FOCAD: variants seen among roughly 807,000 people sequenced by gnomAD.
FOCAD encodes KIAA1797.
A neutral mutation model predicts 225.6 loss-of-function variants in FOCAD; 198 were observed. The ratio of observed to expected loss-of-function variants is 0.88; its 90% CI spans 0.78 to 0.99. The LOEUF is 0.99. Ranked by LOEUF, FOCAD falls within the 50% of genes least tolerant of loss-of-function variation. The pLI is 0.00. For missense variants in FOCAD, 2,713 were observed against 2,123.6 expected (o/e 1.28, Z -5.46); for synonymous variants, 897 against 755.0 (o/e 1.19, Z -3.08).
At chr9:20,710,194 T>G (rs576783929) in intron 1 of FOCAD, among the ~76,000 whole-genome samples, 60 of 150,298 alleles carry the variant, frequency 4.0e-4, no homozygotes, top group Non-Finnish European at 6.8e-4. Flanking sequence ...GATTAGATCA[T>G]CAGAAAACTC....
intron 1 of FOCAD, among the ~76,000 whole-genome samples, chr9:20,685,284 T>G (rs538380669): frequency 2.6e-5 from 4 of 152,022 alleles, no homozygotes; most frequent in Admixed American, 2.6e-4. Context: ...GTATCAGTAA[T>G]GACTCCAGGT....
At chr9:20,793,370 A>T (rs768942317) in intron 11 of FOCAD, among the ~76,000 whole-genome samples, 1 of 152,126 alleles carries the variant, frequency 6.6e-6, no homozygotes, top group South Asian at 2.1e-4. Context: ...CTGGCATTTG[A>T]TCCCTTTTGT....
chr9:20,736,124 G>A (rs1160209144), intron 4 of FOCAD, among the ~76,000 whole-genome samples: 1 of 152,070 alleles, frequency 6.6e-6, no homozygotes, highest in Non-Finnish European at 1.5e-5. Context: ...CAGTTTTGTT[G>A]TTTGTAGACA....
intron 27 of FOCAD, 73 bp downstream of exon 27, chr9:20,929,669 CTA>C: frequency 8.2e-7 from 1 of 1,222,086 alleles, no homozygotes; most frequent in African/African-American, 1.5e-5. Flanking sequence ...CCATATGCAC[CTA>C]TATATAAACA....
chr9:20,984,727 A>G (rs1840996484), intron 39 of FOCAD, among the ~76,000 whole-genome samples: 1 of 152,180 alleles, frequency 6.6e-6, no homozygotes, highest in Non-Finnish European at 1.5e-5. Context: ...ACGTGTGCTA[A>G]TAGTCTTTTC....
At chr9:20,891,659 A>T (rs1831624800) in intron 21 of FOCAD, among the ~76,000 whole-genome samples, 1 of 152,214 alleles carries the variant, frequency 6.6e-6, no homozygotes, top group African/African-American at 2.4e-5. Context: ...GCAGAAGAAA[A>T]GTTTGAAGGT....
Position 20,985,094 on chromosome 9 carries a change from G to A in FOCAD, c.4729-1194G>A, listed in dbSNP as rs12349237. On this transcript the variant is annotated intron_variant, in intron 39 of 43. Transcript: ENST00000338382. ...TGTGATTACAGGCCTGAGCCACCAT[G>A]CCCGGCCAGCAACTTGTAGTTCCTT... 7.4e-3 allele frequency among the ~76,000 whole-genome samples: 1,125 copies of A among 152,250 alleles called. 15 individuals are homozygous for A. Among genetic ancestry groups the A allele is most frequent in the African/African-American group, 0.026 (1,091 of 41,550 alleles).
chr9:20,671,954 A>G (rs1418633338), intron 2 of FOCAD, among the ~76,000 whole-genome samples: 1 of 151,822 alleles, frequency 6.6e-6, no homozygotes, highest in Non-Finnish European at 1.5e-5. Flanking sequence ...AGGAATATTT[A>G]CACCACAGAA....
chr9:20,819,999 C>A, intron 12 of FOCAD, 99 bp downstream of exon 12: 1 of 669,590 alleles, frequency 1.5e-6, no homozygotes, highest in Non-Finnish European at 2.5e-6. Context: ...TAAATTTTGC[C>A]ATAGTCACTA....
At chr9:20,723,034 C>G (rs1050101477) in intron 4 of FOCAD, among the ~76,000 whole-genome samples, 2 of 152,106 alleles carry the variant, frequency 1.3e-5, no homozygotes, top group African/African-American at 4.8e-5. Flanking sequence ...AGAAGATAAT[C>G]TTAGAAAATT....
rs77961986 is a variant in FOCAD at position 20,790,379 on chromosome 9, T to C, written c.1455+771T>C. On this transcript the variant is annotated intron_variant, in intron 11 of 43. Coordinates refer to ENST00000338382, the MANE Select transcript of FOCAD (RefSeq NM_001375567.1). ...TTAGTATCTGTGCTTGTGTTTCTTT[T>C]CAAGAATGATGAAGAAACCTTCCAT... Among the ~76,000 whole-genome samples, 266 of 152,334 alleles carry C rather than the reference T, an allele frequency of 1.7e-3. 3 individuals are homozygous for C. The East Asian group carries it at 0.043, about 25-fold the overall frequency.
At chr9:20,784,557 A>G (rs1311354305) in intron 10 of FOCAD, among the ~76,000 whole-genome samples, 3 of 152,176 alleles carry the variant, frequency 2.0e-5, no homozygotes, top group Non-Finnish European at 4.4e-5. Context: ...AATTCTTGTA[A>G]TTGTACAGGA....
At chr9:20,771,863 T>C (rs1301061217) in intron 8 of FOCAD, among the ~76,000 whole-genome samples, 1 of 152,192 alleles carries the variant, frequency 6.6e-6, no homozygotes, top group Non-Finnish European at 1.5e-5. Flanking sequence ...CTTAATGGCT[T>C]GCAGCTGGCT....
intron 37 of FOCAD, among the ~76,000 whole-genome samples, chr9:20,979,033 G>T (rs1391990169): frequency 6.6e-6 from 1 of 152,156 alleles, no homozygotes; most frequent in South Asian, 2.1e-4. Context: ...TTGATAGAGG[G>T]GGCTAGCACC....
intron 22 of FOCAD, among the ~76,000 whole-genome samples, chr9:20,909,730 G>A (rs1225946212): frequency 6.6e-6 from 1 of 152,058 alleles, no homozygotes; most frequent in African/African-American, 2.4e-5. Context: ...TTACTTGAAA[G>A]TACACTGATG....
chr9:20,787,986 T>C (rs1371183519), intron 10 of FOCAD, among the ~76,000 whole-genome samples: 1 of 152,200 alleles, frequency 6.6e-6, no homozygotes, highest in Non-Finnish European at 1.5e-5. Flanking sequence ...TCAAGAAAAC[T>C]GAACACTTAT....
chr9:20,766,553 C>T (rs535629125), intron 7 of FOCAD, among the ~76,000 whole-genome samples: 3 of 152,178 alleles, frequency 2.0e-5, no homozygotes, highest in Admixed American at 6.5e-5. Flanking sequence ...TTCCATTCTT[C>T]TCAGAACAAA....
intron 11 of FOCAD, among the ~76,000 whole-genome samples, chr9:20,799,270 T>C (rs973859698): frequency 4.1e-4 from 62 of 152,220 alleles, no homozygotes; most frequent in Admixed American, 8.5e-4. Context: ...CTTCCAAGTA[T>C]GTGGTCAATT....
chr9:20,693,434 A>G (rs1384947959), intron 1 of FOCAD, among the ~76,000 whole-genome samples: 1 of 152,170 alleles, frequency 6.6e-6, no homozygotes, highest in Non-Finnish European at 1.5e-5. Flanking sequence ...ACTTATCTTC[A>G]GAAATGCTAT....
Sources: allele counts gnomAD v4.1 joint callset (sites outside exome capture counted in the v4.1 genomes callset), GRCh38; gene constraint gnomAD v4.1.1; transcripts MANE v1.5; gene names NCBI Gene and HGNC (gene_info 2026-07-23, HGNC 2026-07-21).